Variants in CFAP418 observed in about 807,000 individuals in gnomAD.
The protein encoded by CFAP418 is cilia and flagella associated protein 418.
Under a neutral mutation model 24.7 loss-of-function variants are expected in CFAP418, and 27 were observed. That is an observed-to-expected ratio of 1.09 (90% CI 0.81 to 1.51). The LOEUF is 1.51. CFAP418 is among the 40% of genes most tolerant of loss of function. CFAP418 has a pLI of 0.00. For missense variants in CFAP418, 257 were observed against 255.2 expected (o/e 1.01, Z -0.05); for synonymous variants, 74 against 87.3 (o/e 0.85, Z 0.85).
chr8:95,266,228 T>TATC, intron 1 of CFAP418, among the ~76,000 whole-genome samples: 1 of 152,198 alleles, frequency 6.6e-6, no homozygotes, highest in African/African-American at 2.4e-5. Context: ...TGGCTGTTAT[T>TATC]ATAGTTATCA....
chr8:95,251,903 C>A (rs1198902279), intron 5 of CFAP418, among the ~76,000 whole-genome samples: 1 of 152,228 alleles, frequency 6.6e-6, no homozygotes, highest in Admixed American at 6.5e-5. Flanking sequence ...CTGTTTATAC[C>A]AGCATCACCA....
rs776965892 is a variant in CFAP418, at chr8:95,247,740, T to C, written c.501A>G (p.Lys167=). 7.4e-6 allele frequency: 12 copies of C among 1,612,488 alleles called. No homozygotes were observed. The highest frequency in any genetic ancestry group is 3.3e-5 in the South Asian group (3 of 90,870). ...RNNMPEFHKL[K]AKLIKKKGTR... is the part of the protein sequence containing the mutation. ...TTCCTTTCTTCTTTATCAACTTTGCTTTTAATTTGTGAAATTCTGGCATGT... is the reference window on the plus strand; with the variant it reads ...TTCCTTTCTTCTTTATCAACTTTGCCTTTAATTTGTGAAATTCTGGCATGT... Residue 167 remains lysine (K), a synonymous_variant, in exon 6 of 6, where the codon AAA becomes AAG. Transcript: ENST00000286688.
intron 2 of CFAP418, among the ~76,000 whole-genome samples, chr8:95,261,694 A>G (rs1282285621): frequency 6.6e-6 from 1 of 152,158 alleles, no homozygotes; most frequent in East Asian, 1.9e-4. Context: ...ATACATAACT[A>G]AAAAAGGAAA....
intron 1 of CFAP418, 53 bp downstream of exon 1, chr8:95,268,982 A>G (rs1812087558): frequency 3.2e-6 from 5 of 1,574,428 alleles, no homozygotes; most frequent in East Asian, 2.3e-5. Context: ...GGGCAGCTCT[A>G]GGGCCTGGAG....
At chr8:95,267,545 G>A (rs749019224) in intron 1 of CFAP418, among the ~76,000 whole-genome samples, 6 of 151,978 alleles carry the variant, frequency 3.9e-5, no homozygotes, top group Non-Finnish European at 7.4e-5. Flanking sequence ...AGCTGAGGTG[G>A]GCCACTGCAC....
chr8:95,247,446 A>G lies in CFAP418; in HGVS notation c.*171T>C. On this transcript the variant is annotated 3_prime_UTR_variant, in exon 6 of 6. Coordinates refer to ENST00000286688, the MANE Select transcript of CFAP418 (RefSeq NM_177965.4). Reference sequence around the variant, plus strand: ...GAATAATTCCAAAGTGTTATAATACATGATCTTCCTTAGTCCATTTGGTCT... The same window carrying G: ...GAATAATTCCAAAGTGTTATAATACGTGATCTTCCTTAGTCCATTTGGTCT... 2 of 658,922 alleles carry G rather than the reference A, an allele frequency of 3.0e-6. No homozygotes were observed. Among genetic ancestry groups the G allele is most frequent in the Non-Finnish European group, 5.1e-6 (2 of 390,662 alleles). 40.8% of individuals were successfully genotyped at this position (658,922 alleles called of 1,614,324 possible).
chr8:95,247,459 G>C lies in CFAP418; in HGVS notation c.*158C>G. ...GTGTTATAATACATGATCTTCCTTA[G>C]TCCATTTGGTCTTCAAAAATGTATG... On this transcript the variant is annotated 3_prime_UTR_variant, in exon 6 of 6. Transcript: ENST00000286688. 1 of 722,902 alleles carries C rather than the reference G, an allele frequency of 1.4e-6. No individual in the cohort carries two copies. The highest frequency in any genetic ancestry group is 2.3e-6 in the Non-Finnish European group (1 of 438,060). 44.8% of individuals were successfully genotyped at this position (722,902 alleles called of 1,614,324 possible).
intron 2 of CFAP418, among the ~76,000 whole-genome samples, chr8:95,262,300 T>G (rs552704355): frequency 1.4e-4 from 22 of 152,330 alleles, no homozygotes; most frequent in African/African-American, 4.3e-4. Context: ...CATGTGCTTA[T>G]TAATTTACTT....
chr8:95,254,385 A>C (rs1265205599), intron 4 of CFAP418, among the ~76,000 whole-genome samples: 2 of 152,200 alleles, frequency 1.3e-5, no homozygotes, highest in African/African-American at 2.4e-5. Context: ...GGATAGATTC[A>C]ATTTCCTTTA....
intron 1 of CFAP418, among the ~76,000 whole-genome samples, chr8:95,267,582 C>G (rs79319659): frequency 0.017 from 2,521 of 152,028 alleles, 41 homozygotes; most frequent in Non-Finnish European, 0.019. Flanking sequence ...GAGCGAAACT[C>G]AAAAATAAAT....
chr8:95,264,753 T>A (rs1318432275), intron 1 of CFAP418, among the ~76,000 whole-genome samples: 2 of 152,192 alleles, frequency 1.3e-5, no homozygotes, highest in Non-Finnish European at 2.9e-5. Context: ...TCATTACATC[T>A]TGGAGTAAAA....
At chr8:95,268,207 G>A (rs116026490) in intron 1 of CFAP418, among the ~76,000 whole-genome samples, 259 of 152,264 alleles carry the variant, frequency 1.7e-3, no homozygotes, top group African/African-American at 6.0e-3. Context: ...AGCAGTTAGG[G>A]GAGGCAGAGG....
chr8:95,250,524 T>G (rs1563470199), intron 5 of CFAP418, among the ~76,000 whole-genome samples: 1 of 152,210 alleles, frequency 6.6e-6, no homozygotes, highest in Non-Finnish European at 1.5e-5. Flanking sequence ...CCTATGATAG[T>G]TTTATAAAAA....
chr8:95,248,938 TAGA>T (rs1158223028), intron 5 of CFAP418, among the ~76,000 whole-genome samples: 1 of 152,166 alleles, frequency 6.6e-6, no homozygotes. Context: ...AGGCACAATT[TAGA>T]AGGTTAGAAC....
intron 4 of CFAP418, among the ~76,000 whole-genome samples, chr8:95,256,468 C>T (rs1477198616): frequency 6.6e-6 from 1 of 152,182 alleles, no homozygotes; most frequent in Admixed American, 6.5e-5. Context: ...CAGAGTATCT[C>T]CATGAAATAT....
At position 95,246,331 on chromosome 8, in the gene CFAP418, A is replaced by G. The variant is rs1811621412; in HGVS notation, c.*1286T>C. 6.6e-6 allele frequency: 1 copy of G among 152,212 alleles called. No individual in the cohort carries two copies. Among genetic ancestry groups the G allele is most frequent in the Admixed American group, 6.5e-5 (1 of 15,280 alleles). The allele number at this position is 152,212 out of a possible 1,614,324, so 9.4% of individuals were successfully genotyped here. ...TACAAAAGTGTGAGGATTGGCCATT[A>G]TAAGATCTATTCTGTTGCAATGCTA... On this transcript the variant is annotated 3_prime_UTR_variant, in exon 6 of 6. Coordinates refer to ENST00000286688, the MANE Select transcript of CFAP418 (RefSeq NM_177965.4).
chr8:95,268,368 G>C (rs1011469762), intron 1 of CFAP418, among the ~76,000 whole-genome samples: 5 of 152,076 alleles, frequency 3.3e-5, no homozygotes, highest in African/African-American at 4.8e-5. Context: ...ATCCCAGCTA[G>C]GGTAGGCCGA....
intron 1 of CFAP418, among the ~76,000 whole-genome samples, chr8:95,266,689 T>A (rs2132166691): frequency 6.6e-6 from 1 of 152,356 alleles, no homozygotes; most frequent in Admixed American, 6.5e-5. Flanking sequence ...CCTTTGTTGC[T>A]GTTTTTTGTA....
chr8:95,266,995 A>G (rs1029860010), intron 1 of CFAP418, among the ~76,000 whole-genome samples: 13 of 152,194 alleles, frequency 8.5e-5, no homozygotes, highest in Admixed American at 8.5e-4. Context: ...TCCTTGATAG[A>G]CTAGTTCTAT....
Sources: gnomAD v4.1 joint callset for allele counts (sites outside exome capture counted in the v4.1 genomes callset) on GRCh38, gnomAD v4.1.1 for gene constraint, MANE v1.5 for transcripts, NCBI Gene and HGNC (gene_info 2026-07-23, HGNC 2026-07-21) for gene names.